The following PRUNE2 variants were observed in gnomAD, a reference collection of about 807,000 sequenced individuals.
The protein encoded by PRUNE2 is protein prune homolog 2.
Under a neutral mutation model 252.0 loss-of-function variants are expected in PRUNE2, and 164 were observed. The ratio of observed to expected loss-of-function variants is 0.65; its 90% confidence interval spans 0.57 to 0.74. The LOEUF is 0.74. Among genes scored for constraint, PRUNE2 ranks in the 30% least tolerant of loss-of-function variants. PRUNE2 has a pLI of 0.00. For missense variants in PRUNE2, 3,495 were observed against 3,711.0 expected (o/e 0.94, Z 1.51); for synonymous variants, 1,292 against 1,350.2 (o/e 0.96, Z 0.94).
chr9:76,662,265 C>G (rs1218474997), intron 9 of PRUNE2, among the ~76,000 whole-genome samples: 1 of 152,154 alleles, frequency 6.6e-6, no homozygotes, highest in East Asian at 1.9e-4. Context: ...CTGAATACCA[C>G]CAAATGGAGA....
intron 9 of PRUNE2, among the ~76,000 whole-genome samples, chr9:76,684,353 A>G (rs906879815): frequency 6.6e-6 from 1 of 152,118 alleles, no homozygotes; most frequent in Admixed American, 6.5e-5. Flanking sequence ...TTTGTCTCCC[A>G]GCACGGTTTC....
Position 76,629,241 on chromosome 9 carries a change from T to G in PRUNE2, c.9100A>C (p.Ser3034Arg), listed in dbSNP as rs1201960885. 2 of 1,606,368 alleles carry G rather than the reference T, an allele frequency of 1.2e-6. No homozygotes were observed. The highest frequency in any genetic ancestry group is 2.2e-5 in the South Asian group (2 of 90,220). Residue 3034 changes from serine to arginine, a missense_variant, in exon 16 of 19, where the codon AGT becomes CGT. Ser to Arg is a moderately radical substitution (Grantham distance 110, BLOSUM62 -1). Transcript: ENST00000376718. ...ATGCAATCCATTGGGATCAGCCCACTGAGTTCTGATAAGCTATTGACATAT... is the reference window on the plus strand; with the variant it reads ...ATGCAATCCATTGGGATCAGCCCACGGAGTTCTGATAAGCTATTGACATAT... ...IKYVNSLSEL[S>R]GLIPMDCIHI...
intron 6 of PRUNE2, among the ~76,000 whole-genome samples, chr9:76,815,637 C>T (rs1663401607): frequency 6.6e-6 from 1 of 152,176 alleles, no homozygotes; most frequent in Admixed American, 6.5e-5. Flanking sequence ...CAAACATTCA[C>T]ACTACAGCAG....
In PRUNE2 at chr9:76,710,646, C is replaced by T. The variant is rs189260004; in HGVS notation, c.1628G>A (p.Gly543Glu). The T allele has an allele frequency of 2.4e-4, 381 of 1,612,200 alleles. 1 individual carries two copies. Among genetic ancestry groups the T allele is most frequent in the Non-Finnish European group, 3.1e-4 (365 of 1,179,068 alleles). ...PAGPEGLDGM[G>E]TNMSNYSSSS... ...GGATGAATAATTAGACATGTTGGTTCCCATGCCATCAAGTCCTTCAGGCCC... is the reference window on the plus strand; with the variant it reads ...GGATGAATAATTAGACATGTTGGTTTCCATGCCATCAAGTCCTTCAGGCCC... Residue 543 changes from glycine to glutamate, a missense_variant, in exon 8 of 19, where the codon GGA becomes GAA. Physicochemically the swap from Gly to Glu is moderately conservative, Grantham distance 98 (BLOSUM62 -2). Coordinates refer to ENST00000376718, the MANE Select transcript of PRUNE2 (RefSeq NM_015225.3).
intron 3 of PRUNE2, among the ~76,000 whole-genome samples, chr9:76,847,280 C>T (rs552555306): frequency 2.6e-5 from 4 of 151,084 alleles, no homozygotes; most frequent in African/African-American, 7.3e-5. Context: ...GAGCCAAGAC[C>T]GTGCCACTGC....
chr9:76,881,000 G>C lies in PRUNE2; in HGVS notation c.36+24928C>G, dbSNP rs141708116. ...TTTTGAGACGGAGTCTCGCTCTATCGCCCAGGCTGGAGTGCAGTTGTGTGG... is the reference window on the plus strand; with the variant it reads ...TTTTGAGACGGAGTCTCGCTCTATCCCCCAGGCTGGAGTGCAGTTGTGTGG... On this transcript the variant is annotated intron_variant, in intron 1 of 18. Transcript: ENST00000376718. Among the ~76,000 whole-genome samples, 1,309 of 137,438 alleles carry C rather than the reference G, an allele frequency of 9.5e-3. 76 individuals are homozygous for C. Among genetic ancestry groups the C allele is most frequent in the Admixed American group, 0.09 (1,161 of 12,868 alleles). 90.2% of individuals were successfully genotyped at this position (137,438 alleles called of 152,430 possible).
intron 4 of PRUNE2, among the ~76,000 whole-genome samples, chr9:76,842,569 T>G (rs1402916268): frequency 6.6e-6 from 1 of 151,956 alleles, no homozygotes; most frequent in Non-Finnish European, 1.5e-5. Flanking sequence ...GGAGAAAAAT[T>G]TTGCAATCTA....
In PRUNE2 at chr9:76,707,309, G is replaced by A. The variant is rs1212324290; in HGVS notation, c.4965C>T (p.Ser1655=). The A allele has an allele frequency of 8.1e-6, 13 of 1,613,804 alleles. No homozygotes were observed. The highest frequency in any genetic ancestry group is 1.0e-5 in the Non-Finnish European group (12 of 1,179,852). Residue 1655 remains serine, a synonymous_variant, in exon 8 of 19, where the codon AGC becomes AGT. Transcript: ENST00000376718. ...TCTCCTGGTAGCTAGCAATTAGATT[G>A]CTTTCCTGATGTGTCCCTGAATGTT... ...YSEHSGTHQE[S]NLIASYQEKN...
intron 6 of PRUNE2, among the ~76,000 whole-genome samples, chr9:76,768,545 G>T (rs1455640758): frequency 2.0e-5 from 3 of 149,110 alleles, no homozygotes; most frequent in Non-Finnish European, 4.4e-5. Flanking sequence ...ACGTTCTCTG[G>T]GTCTCTTATC....
At chr9:76,625,571 T>C (rs1834336774) in intron 16 of PRUNE2, among the ~76,000 whole-genome samples, 2 of 152,272 alleles carry the variant, frequency 1.3e-5, no homozygotes, top group Admixed American at 6.5e-5. Context: ...TCAATGTTTA[T>C]AATTTATAAA....
chr9:76,676,951 T>G (rs1240296885), intron 9 of PRUNE2, among the ~76,000 whole-genome samples: 1 of 152,236 alleles, frequency 6.6e-6, no homozygotes, highest in South Asian at 2.1e-4. Context: ...ACTGTCCACA[T>G]GTCTATTATA....
intron 9 of PRUNE2, 91 bp downstream of exon 9, chr9:76,703,246 T>C: frequency 1.7e-6 from 2 of 1,145,900 alleles, no homozygotes; most frequent in South Asian, 3.4e-5. Context: ...ATCATCCAGG[T>C]ATTCCTCATA....
intron 6 of PRUNE2, among the ~76,000 whole-genome samples, chr9:76,772,339 AT>A (rs1019597175): frequency 1.8e-4 from 27 of 151,876 alleles, no homozygotes; most frequent in South Asian, 6.2e-4. Flanking sequence ...ATTTATTTTA[AT>A]TTTTTTTTTA....
At chr9:76,767,407 TGCCACTGCGCTCCAGCCTGG>T (rs1014205576) in intron 6 of PRUNE2, among the ~76,000 whole-genome samples, 4 of 151,566 alleles carry the variant, frequency 2.6e-5, no homozygotes, top group African/African-American at 9.7e-5. Context: ...GACAAGATTG[TGCCACTGCGCTCCAGCCTGG>T]GCAAAAAGAG....
chr9:76,794,306 G>C (rs111263713), intron 6 of PRUNE2, among the ~76,000 whole-genome samples: 6 of 152,312 alleles, frequency 3.9e-5, no homozygotes, highest in African/African-American at 1.4e-4. Flanking sequence ...TCTGGAGGCA[G>C]TAAGGTGGTG....
At chr9:76,750,884 A>G (rs888876086) in intron 6 of PRUNE2, among the ~76,000 whole-genome samples, 10 of 152,198 alleles carry the variant, frequency 6.6e-5, no homozygotes, top group Admixed American at 2.0e-4. Flanking sequence ...GCTAATGCAA[A>G]CCTAAAGGAT....
intron 6 of PRUNE2, among the ~76,000 whole-genome samples, chr9:76,789,861 A>T (rs2055386069): frequency 6.6e-6 from 1 of 152,138 alleles, no homozygotes; most frequent in Non-Finnish European, 1.5e-5. Flanking sequence ...TGCATCAGAT[A>T]TGGAGGGGCT....
chr9:76,853,178 A>G (rs1286847893), intron 2 of PRUNE2, among the ~76,000 whole-genome samples: 1 of 152,180 alleles, frequency 6.6e-6, no homozygotes, highest in East Asian at 1.9e-4. Flanking sequence ...AGATCAGAAT[A>G]TTTTACCCAG....
rs373259322 is a variant in PRUNE2, at chr9:76,638,273, C to A, written c.8744G>T (p.Gly2915Val). 2.5e-6 allele frequency: 4 copies of A among 1,613,356 alleles called. No individual in the cohort carries two copies. The highest frequency in any genetic ancestry group is 2.7e-5 in the African/African-American group (2 of 75,052). ...VISHGGYYGD[G>V]LNAIIVFAAC... Reference sequence around the variant, plus strand: ...GGCAAACACAATGATGGCATTTAGACCGTCCCCATAGTATCCTGGGGGACA... The same window carrying A: ...GGCAAACACAATGATGGCATTTAGAACGTCCCCATAGTATCCTGGGGGACA... The change falls in exon 13 of 19, where the codon GGT becomes GTT. Residue 2915 changes from glycine (G) to valine (V), a missense_variant. By Grantham distance (109) the Gly-to-Val change is moderately radical. Coordinates refer to ENST00000376718, the MANE Select transcript of PRUNE2 (RefSeq NM_015225.3).
Sources: gnomAD v4.1 joint callset for allele counts (sites outside exome capture counted in the v4.1 genomes callset) on GRCh38, gnomAD v4.1.1 for gene constraint, MANE v1.5 for transcripts, NCBI Gene and HGNC (gene_info 2026-07-23, HGNC 2026-07-21) for gene names.